The following DAAM1 variants were observed in gnomAD, a reference collection of about 807,000 sequenced individuals.
DAAM1 encodes the protein disheveled-associated activator of morphogenesis 1.
A neutral mutation model predicts 130.0 loss-of-function variants in DAAM1; 52 were observed. The observed-to-expected ratio is 0.40, with a 90% CI of 0.32 to 0.50. DAAM1 has a LOEUF of 0.50. DAAM1 is among the 20% of genes least tolerant of loss of function. The pLI is 0.61. For synonymous variants in DAAM1, 452 were observed against 444.5 expected (o/e 1.02, Z -0.21); for missense variants, 1,134 against 1,303.8 (o/e 0.87, Z 2.01).
intron 2 of DAAM1, among the ~76,000 whole-genome samples, chr14:59,273,798 A>T (rs1486967394): frequency 6.6e-6 from 1 of 152,240 alleles, no homozygotes; most frequent in Non-Finnish European, 1.5e-5. Context: ...GGCTAGAAGG[A>T]TCTGGTAGTT....
chr14:59,339,909 T>G (rs1431242439), intron 15 of DAAM1, among the ~76,000 whole-genome samples, 165 bp from the exon 16 acceptor site: 2 of 152,226 alleles, frequency 1.3e-5, no homozygotes, highest in Non-Finnish European at 2.9e-5. Context: ...GACTGTAGCC[T>G]TTGTTTCAAT....
At chr14:59,310,271 A>G (rs1483271596) in intron 3 of DAAM1, among the ~76,000 whole-genome samples, 1 of 151,868 alleles carries the variant, frequency 6.6e-6, no homozygotes, top group Non-Finnish European at 1.5e-5. Context: ...CGCCATGCCC[A>G]GCTAACTTTT....
At chr14:59,244,189 G>A (rs185768329) in intron 1 of DAAM1, among the ~76,000 whole-genome samples, 1 of 151,256 alleles carries the variant, frequency 6.6e-6, no homozygotes, top group Admixed American at 6.6e-5. Context: ...TTCATCTTCT[G>A]CCATGATTGT....
rs1228894453 is a variant in DAAM1, at chr14:59,272,608, T to TATAC, written c.183+8949_183+8950insTACA. 4.6e-3 allele frequency among the ~76,000 whole-genome samples: 625 copies of TATAC among 137,038 alleles called. 4 individuals are homozygous for TATAC. Among genetic ancestry groups the TATAC allele is most frequent in the South Asian group, 0.016 (70 of 4,514 alleles). 89.9% of individuals were successfully genotyped at this position (137,038 alleles called of 152,430 possible). On this transcript the variant is annotated intron_variant, in intron 2 of 24. Transcript: ENST00000360909. ...AACAAACAAACAAAATATATATATA[T>TATAC]ACACACACACACACACACACACATA...
At position 59,340,113 on chromosome 14, in the gene DAAM1, CTTAAAG is replaced by C. The variant is rs545041222; in HGVS notation, c.2015_2020del (p.Val672_Lys673del). 3.1e-4 allele frequency: 494 copies of C among 1,613,676 alleles called. No homozygotes were observed. Among genetic ancestry groups the C allele is most frequent in the South Asian group, 5.8e-4 (53 of 91,072 alleles). On this transcript the variant is annotated inframe_deletion, in exon 16 of 25. Coordinates refer to ENST00000360909, the MANE Select transcript of DAAM1 (RefSeq NM_001270520.2). ...CATTGATGACACTCTGAGTTCCAAACTTAAAGTTAAAGAGCTTTCGGTGATTGATGG... is the reference window on the plus strand; with the variant it reads ...CATTGATGACACTCTGAGTTCCAAACTTAAAGAGCTTTCGGTGATTGATGG...
At chr14:59,360,996 AC>A in intron 22 of DAAM1, 134 bp downstream of exon 22, 1 of 695,550 alleles carries the variant, frequency 1.4e-6, no homozygotes, top group Non-Finnish European at 2.2e-6. Flanking sequence ...AATAAGAACC[AC>A]CACCACAAGA....
chr14:59,253,556 A>C (rs1881739386), intron 1 of DAAM1, among the ~76,000 whole-genome samples: 1 of 152,248 alleles, frequency 6.6e-6, no homozygotes, highest in Non-Finnish European at 1.5e-5. Context: ...ACCTCTGGGC[A>C]AAATTTTGTT....
chr14:59,359,348 A>C (rs1886613256), intron 20 of DAAM1, 49 bp from the exon 21 acceptor site: 8 of 1,350,188 alleles, frequency 5.9e-6, no homozygotes, highest in Middle Eastern at 2.1e-4. Flanking sequence ...TATGTAGTTT[A>C]AATGAAAATA....
At chr14:59,354,250 C>CG (rs1353435197) in intron 19 of DAAM1, among the ~76,000 whole-genome samples, 1 of 152,092 alleles carries the variant, frequency 6.6e-6, no homozygotes, top group Non-Finnish European at 1.5e-5. Context: ...TTAGTAGAGA[C>CG]GGGGTTTCAC....
At chr14:59,291,376 C>T (rs1883733768) in intron 3 of DAAM1, 70 bp downstream of exon 3, 1 of 1,238,354 alleles carries the variant, frequency 8.1e-7, no homozygotes, top group African/African-American at 1.5e-5. Context: ...TCCATTTCAC[C>T]ACTAGAATTG....
chr14:59,219,449 A>G (rs1304503990), intron 1 of DAAM1, among the ~76,000 whole-genome samples: 2 of 152,226 alleles, frequency 1.3e-5, no homozygotes, highest in Non-Finnish European at 2.9e-5. Context: ...TTCTGGGTAT[A>G]GCAAGAACAC....
chr14:59,236,845 A>G (rs913920041), intron 1 of DAAM1, among the ~76,000 whole-genome samples: 13 of 152,014 alleles, frequency 8.6e-5, no homozygotes, highest in Non-Finnish European at 1.6e-4. Flanking sequence ...GGTTTTGAAA[A>G]CTTTCCCAAA....
At chr14:59,241,737 G>A (rs1425412082) in intron 1 of DAAM1, among the ~76,000 whole-genome samples, 1 of 152,092 alleles carries the variant, frequency 6.6e-6, no homozygotes, top group Non-Finnish European at 1.5e-5. Context: ...ACTCAGCACT[G>A]GATAGAAACA....
At chr14:59,358,375 CTG>C (rs1365962532) in intron 20 of DAAM1, among the ~76,000 whole-genome samples, 6 of 152,344 alleles carry the variant, frequency 3.9e-5, no homozygotes, top group African/African-American at 1.4e-4. Flanking sequence ...GCACAACCAA[CTG>C]TTTTAACTAC....
chr14:59,203,049 T>C (rs1201293149), intron 1 of DAAM1, among the ~76,000 whole-genome samples: 2 of 151,470 alleles, frequency 1.3e-5, no homozygotes, highest in African/African-American at 4.9e-5. Flanking sequence ...TGGAGTGCAG[T>C]GATTCGATCT....
chr14:59,199,927 G>A (rs987925246), intron 1 of DAAM1, among the ~76,000 whole-genome samples: 5 of 152,106 alleles, frequency 3.3e-5, no homozygotes, highest in South Asian at 2.1e-4. Flanking sequence ...AAATCACCCC[G>A]GGTTGAGAGC....
intron 13 of DAAM1, 23 bp downstream of exon 13, chr14:59,330,711 C>T (rs745885562): frequency 8.3e-5 from 131 of 1,577,470 alleles, no homozygotes; most frequent in South Asian, 1.8e-4. Context: ...GCTCAGCTCA[C>T]GGGCAGCTGC....
At chr14:59,205,369 G>GT (rs1314680438) in intron 1 of DAAM1, among the ~76,000 whole-genome samples, 1 of 152,220 alleles carries the variant, frequency 6.6e-6, no homozygotes, top group Non-Finnish European at 1.5e-5. Context: ...ATTGAGAACA[G>GT]TTTAAGTTTA....
chr14:59,217,639 C>G (rs1888627106), intron 1 of DAAM1, among the ~76,000 whole-genome samples: 1 of 151,682 alleles, frequency 6.6e-6, no homozygotes, highest in Admixed American at 6.6e-5. Flanking sequence ...AAGTTCGAGG[C>G]CAACCTGGGC....
Sources: allele counts gnomAD v4.1 joint callset (sites outside exome capture counted in the v4.1 genomes callset), GRCh38; gene constraint gnomAD v4.1.1; transcripts MANE v1.5; gene names NCBI Gene and HGNC (gene_info 2026-07-23, HGNC 2026-07-21).